SGK3: variants seen among roughly 807,000 people sequenced by gnomAD.
SGK3 encodes the protein serine/threonine-protein kinase Sgk3.
Under a neutral mutation model 68.5 loss-of-function variants are expected in SGK3, and 47 were observed. That is an observed-to-expected ratio of 0.69 (90% confidence interval 0.54 to 0.87). The LOEUF (loss-of-function observed/expected upper bound fraction) is 0.87, where lower values mean the gene tolerates loss of function less well. Among genes scored for constraint, SGK3 ranks in the 40% least tolerant of loss-of-function variants. The pLI is 0.00. For synonymous variants in SGK3, 181 were observed against 189.1 expected (o/e 0.96, Z 0.35); for missense variants, 479 against 575.5 (o/e 0.83, Z 1.72).
chr8:66,793,962 T>C (rs1585725026), intron 2 of SGK3, 130 bp downstream of exon 2: 2 of 969,636 alleles, frequency 2.1e-6, no homozygotes, highest in Non-Finnish European at 3.0e-6. Context: ...TTCTTTCACA[T>C]GATCTGTTCT....
Position 66,835,877 on chromosome 8 carries a change from C to A in SGK3, c.609+31C>A, listed in dbSNP as rs747687041. The A allele has an allele frequency of 4.4e-6, 7 of 1,608,428 alleles. No homozygotes were observed. In the South Asian group the frequency reaches 7.8e-5, roughly 18 times the overall value. On this transcript the variant is annotated intron_variant, in intron 9 of 16. Transcript: ENST00000521198. ...ATAAAATAGTTGTTTCTCTCAAGCC[C>A]ATTTTCTCAATTAAGAGAGCTGTTT... is the stretch of plus-strand genomic sequence containing the variant.
chr8:66,858,076 A>G (rs1245146359), intron 16 of SGK3, among the ~76,000 whole-genome samples: 3 of 152,150 alleles, frequency 2.0e-5, no homozygotes, highest in Admixed American at 6.5e-5. Flanking sequence ...ACAAAAAATT[A>G]TTATTTTACT....
intron 5 of SGK3, among the ~76,000 whole-genome samples, chr8:66,816,223 T>C (rs572589973): frequency 1.6e-4 from 25 of 151,904 alleles, no homozygotes; most frequent in South Asian, 1.2e-3. Context: ...AGGATGGTCT[T>C]CATCTACTGA....
intron 5 of SGK3, among the ~76,000 whole-genome samples, chr8:66,816,472 A>C (rs1808589205): frequency 6.6e-6 from 1 of 150,688 alleles, no homozygotes; most frequent in Non-Finnish European, 1.5e-5. Flanking sequence ...CAGCCTCCCA[A>C]GTGGATGGGA....
intron 1 of SGK3, among the ~76,000 whole-genome samples, chr8:66,761,540 G>T (rs991298722): frequency 6.6e-6 from 1 of 152,088 alleles, no homozygotes; most frequent in South Asian, 2.1e-4. Flanking sequence ...AGGCTGAGGC[G>T]GTCAGATCAC....
chr8:66,726,169 C>T (rs1804981598), intron 1 of SGK3, among the ~76,000 whole-genome samples: 1 of 152,134 alleles, frequency 6.6e-6, no homozygotes, highest in Admixed American at 6.6e-5. Flanking sequence ...GAAAAAGACA[C>T]TAATATTTAT....
chr8:66,762,340 G>A (rs1239674982), intron 1 of SGK3, among the ~76,000 whole-genome samples: 1 of 152,134 alleles, frequency 6.6e-6, no homozygotes, highest in Non-Finnish European at 1.5e-5. Context: ...CCAACATGGT[G>A]AAATCCCATC....
chr8:66,724,985 G>C (rs957344092), intron 1 of SGK3, among the ~76,000 whole-genome samples: 7 of 152,144 alleles, frequency 4.6e-5, no homozygotes, highest in African/African-American at 1.7e-4. Flanking sequence ...CTAGCACTTT[G>C]GGAGGCCGAG....
intron 1 of SGK3, among the ~76,000 whole-genome samples, chr8:66,744,763 C>T (rs1280058610): frequency 2.7e-5 from 4 of 150,038 alleles, no homozygotes; most frequent in South Asian, 4.2e-4. Context: ...GCCTTGGCCT[C>T]GCAGTGTGCT....
chr8:66,856,823 A>C (rs1206420120), intron 16 of SGK3, among the ~76,000 whole-genome samples: 1 of 152,182 alleles, frequency 6.6e-6, no homozygotes, highest in Non-Finnish European at 1.5e-5. Flanking sequence ...TTATATAACG[A>C]ATTACACAAC....
At chr8:66,816,080 A>G (rs1336310642) in intron 5 of SGK3, among the ~76,000 whole-genome samples, 1 of 152,034 alleles carries the variant, frequency 6.6e-6, no homozygotes, top group Non-Finnish European at 1.5e-5. Context: ...GCTCACTGCA[A>G]GCTCTGCCTC....
chr8:66,741,480 G>T (rs1485898650), intron 1 of SGK3, among the ~76,000 whole-genome samples: 4 of 151,946 alleles, frequency 2.6e-5, no homozygotes, highest in Admixed American at 2.6e-4. Context: ...AACCTGGGAG[G>T]TGGAGGTTGC....
chr8:66,721,732 AT>A lies in SGK3; in HGVS notation c.-122+8908del, dbSNP rs987305273. ...CATTGCAACAGCATTGTTTTGTGCTATTTTTTTTTCCCAGTTAAAGATGACA... is the reference window on the plus strand; with the variant it reads ...CATTGCAACAGCATTGTTTTGTGCTATTTTTTTTCCCAGTTAAAGATGACA... On this transcript the variant is annotated intron_variant, in intron 1 of 16. Coordinates refer to ENST00000521198, the MANE Select transcript of SGK3 (RefSeq NM_001033578.3). Among the ~76,000 whole-genome samples, 46 of 143,866 alleles carry A rather than the reference AT, an allele frequency of 3.2e-4. 1 individual carries two copies. The South Asian group carries it at 7.4e-3, about 23-fold the overall frequency. 94.4% of individuals were successfully genotyped at this position (143,866 alleles called of 152,430 possible). A position where few individuals can be genotyped will look rare whatever the true frequency, so the allele number is the denominator to read the frequency against.
At chr8:66,814,514 G>A (rs1001913550) in intron 5 of SGK3, among the ~76,000 whole-genome samples, 6 of 152,184 alleles carry the variant, frequency 3.9e-5, no homozygotes, top group Admixed American at 2.6e-4. Context: ...AGCCTGAACC[G>A]TCAGGACACT....
At chr8:66,849,944 A>C (rs544576274) in intron 15 of SGK3, among the ~76,000 whole-genome samples, 8 of 152,214 alleles carry the variant, frequency 5.3e-5, no homozygotes, top group Admixed American at 5.2e-4. Flanking sequence ...AAATAGAAAA[A>C]CCAGTTGTGA....
rs999306848 is a variant in SGK3, at chr8:66,770,815, C to T, written c.-121-22801C>T. Among the ~76,000 whole-genome samples the T allele has an allele frequency of 1.2e-4, 19 of 152,290 alleles. No homozygotes were observed. In the South Asian group the frequency reaches 1.7e-3, roughly 13 times the overall value. ...TGTGCACTTAACTTCCTCTTGTATA[C>T]TGTCTTGTGAACTCTAACCATCTTG... On this transcript the variant is annotated intron_variant, in intron 1 of 16. Transcript: ENST00000521198.
At chr8:66,721,131 T>C (rs1025582516) in intron 1 of SGK3, among the ~76,000 whole-genome samples, 1 of 152,190 alleles carries the variant, frequency 6.6e-6, no homozygotes, top group East Asian at 1.9e-4. Context: ...TCAGTAACAC[T>C]TGACTTAGTA....
intron 1 of SGK3, among the ~76,000 whole-genome samples, chr8:66,728,500 T>A (rs945607611): frequency 6.6e-6 from 1 of 152,090 alleles, no homozygotes; most frequent in Admixed American, 6.6e-5. Flanking sequence ...CTAATTTTTG[T>A]ATTTTTAGTA....
chr8:66,736,617 C>T (rs1805322100), intron 1 of SGK3, among the ~76,000 whole-genome samples: 1 of 151,274 alleles, frequency 6.6e-6, no homozygotes, highest in Non-Finnish European at 1.5e-5. Context: ...GCCACCATGC[C>T]CAGCCTTTTT....
Sources: allele counts gnomAD v4.1 joint callset (sites outside exome capture counted in the v4.1 genomes callset), GRCh38; gene constraint gnomAD v4.1.1; transcripts MANE v1.5; gene names NCBI Gene and HGNC (gene_info 2026-07-23, HGNC 2026-07-21).